Variants in DAAM1 observed in about 807,000 individuals in gnomAD.
The protein encoded by DAAM1 is disheveled-associated activator of morphogenesis 1.
A neutral mutation model predicts 130.0 loss-of-function variants in DAAM1; 52 were observed. The observed-to-expected ratio is 0.40, with a 90% CI of 0.32 to 0.50. DAAM1 has a LOEUF of 0.50. Ranked by LOEUF, DAAM1 falls within the 20% of genes least tolerant of loss-of-function variation. The pLI is 0.61. For missense variants in DAAM1, 1,134 were observed against 1,303.8 expected, an observed-to-expected ratio of 0.87 and a Z score of 2.01; for synonymous variants, 452 against 444.5, an observed-to-expected ratio of 1.02 and a Z score of -0.21.
intron 6 of DAAM1, 136 bp downstream of exon 6, chr14:59,323,361 T>G: frequency 2.2e-6 from 2 of 922,258 alleles, no homozygotes; most frequent in South Asian, 3.7e-5. Context: ...ACTTTAAACA[T>G]TCCCTTCTTC....
intron 20 of DAAM1, among the ~76,000 whole-genome samples, chr14:59,356,385 A>G (rs958947324): frequency 2.0e-5 from 3 of 152,182 alleles, no homozygotes; most frequent in African/African-American, 7.2e-5. Context: ...TAGCCCTGCC[A>G]CCTTATTTTT....
intron 5 of DAAM1, among the ~76,000 whole-genome samples, chr14:59,321,225 G>C (rs1884994412): frequency 6.6e-6 from 1 of 152,192 alleles, no homozygotes; most frequent in South Asian, 2.1e-4. Flanking sequence ...ACCACACACT[G>C]TATGATTCTA....
Position 59,331,873 on chromosome 14 carries a change from G to T in DAAM1, c.1921G>T (p.Asp641Tyr), listed in dbSNP as rs760791831. 1.9e-6 allele frequency: 3 copies of T among 1,614,126 alleles called. No homozygotes were observed. The South Asian group carries it at 3.3e-5, about 18-fold the overall frequency. ...TGATACAAAAGTCTTCAAAATTCTA[G>T]ATCTTGAAGACCTGGAAAGAACCTT... ...IDDTKVFKIL[D>Y]LEDLERTFSA... The change falls in exon 15 of 25, where the codon GAT (aspartate) becomes TAT (tyrosine). Residue 641 changes from aspartate (D) to tyrosine (Y), a missense_variant. Asp to Tyr is a radical substitution (Grantham distance 160). Coordinates refer to ENST00000360909, the MANE Select transcript of DAAM1 (RefSeq NM_001270520.2).
chr14:59,331,021 C>CAA (rs917672735), intron 13 of DAAM1, among the ~76,000 whole-genome samples, 188 bp from the exon 14 acceptor site: 17 of 152,234 alleles, frequency 1.1e-4, no homozygotes, highest in Admixed American at 1.0e-3. Context: ...GTGTCAGGTA[C>CAA]AAAAGGTTGA....
At chr14:59,316,295 A>G (rs1029833586) in intron 4 of DAAM1, among the ~76,000 whole-genome samples, 5 of 152,160 alleles carry the variant, frequency 3.3e-5, no homozygotes, top group African/African-American at 1.2e-4. Flanking sequence ...ACTCAAAACA[A>G]GCATTTTAAA....
At chr14:59,239,517 G>A (rs1417456952) in intron 1 of DAAM1, among the ~76,000 whole-genome samples, 1 of 152,088 alleles carries the variant, frequency 6.6e-6, no homozygotes, top group Non-Finnish European at 1.5e-5. Flanking sequence ...TTCCTCCCCT[G>A]CCCCAACTAG....
At chr14:59,342,507 T>G (rs1221112154) in intron 16 of DAAM1, among the ~76,000 whole-genome samples, 1 of 152,172 alleles carries the variant, frequency 6.6e-6, no homozygotes, top group Non-Finnish European at 1.5e-5. Context: ...TGTTGGCAAT[T>G]TATTACTATG....
chr14:59,368,662 C>T lies in DAAM1; in HGVS notation c.3010C>T (p.Arg1004Cys), dbSNP rs978510661. ...TTTCTATTTGCAGCTCAAAGAACAA[C>T]GTGAAAGGGAACGTAAAATGAGAAA... The part of the protein sequence containing the change: ...ARMEAQLKEQ[R>C]ERERKMRKAK... Residue 1004 changes from arginine to cysteine, a missense_variant, in exon 25 of 25, where the codon CGT (arginine) becomes TGT (cysteine). Physicochemically the swap from Arg to Cys is radical, Grantham distance 180. Transcript: ENST00000360909. 3.1e-6 allele frequency: 5 copies of T among 1,612,624 alleles called. No homozygotes were observed. Among genetic ancestry groups the T allele is most frequent in the South Asian group, 1.1e-5 (1 of 90,876 alleles).
At chr14:59,367,824 C>A (rs1886979645) in intron 24 of DAAM1, among the ~76,000 whole-genome samples, 1 of 152,080 alleles carries the variant, frequency 6.6e-6, no homozygotes, top group Non-Finnish European at 1.5e-5. Context: ...CTCTGGAATT[C>A]CATTTCTTAG....
chr14:59,232,839 T>A (rs969197803), intron 1 of DAAM1, among the ~76,000 whole-genome samples: 1 of 151,956 alleles, frequency 6.6e-6, no homozygotes, highest in African/African-American at 2.4e-5. Flanking sequence ...TTCCCCTCCC[T>A]GTGTCACGTA....
chr14:59,277,486 A>AT (rs1235344915), intron 2 of DAAM1, among the ~76,000 whole-genome samples: 1 of 151,172 alleles, frequency 6.6e-6, no homozygotes, highest in Non-Finnish European at 1.5e-5. Context: ...ATAAAAAAAA[A>AT]TCTTTTCTCC....
intron 1 of DAAM1, among the ~76,000 whole-genome samples, chr14:59,204,541 A>T (rs1429903605): frequency 6.6e-6 from 1 of 152,238 alleles, no homozygotes; most frequent in Admixed American, 6.5e-5. Context: ...TCTTTTGACC[A>T]TATAATGAAA....
At position 59,368,639 on chromosome 14, in the gene DAAM1, T is replaced by A; in HGVS notation, c.2998-11T>A. The A allele has an allele frequency of 6.2e-7, 1 of 1,608,448 alleles. No homozygotes were observed. Among genetic ancestry groups the A allele is most frequent in the Non-Finnish European group, 8.5e-7 (1 of 1,177,240 alleles). ...ACATGTCTCAAAGAGGTTATTTCTT[T>A]CTATTTGCAGCTCAAAGAACAACGT... On this transcript the variant is annotated splice_polypyrimidine_tract_variant and intron_variant, in intron 24 of 24. Coordinates refer to ENST00000360909, the MANE Select transcript of DAAM1 (RefSeq NM_001270520.2).
intron 16 of DAAM1, among the ~76,000 whole-genome samples, chr14:59,346,026 G>A (rs542127738): frequency 4.6e-5 from 7 of 151,732 alleles, no homozygotes; most frequent in African/African-American, 9.7e-5. Context: ...CTTGCAGAAC[G>A]TACATATAGT....
At chr14:59,337,931 ATTTAT>A (rs1251600150) in intron 15 of DAAM1, among the ~76,000 whole-genome samples, 1 of 152,120 alleles carries the variant, frequency 6.6e-6, no homozygotes, top group Non-Finnish European at 1.5e-5. Context: ...AAAAAAGTTT[ATTTAT>A]TTATGTATTT....
chr14:59,313,694 A>G (rs917917841), intron 3 of DAAM1, among the ~76,000 whole-genome samples: 4 of 152,220 alleles, frequency 2.6e-5, no homozygotes, highest in African/African-American at 9.6e-5. Context: ...TGTTAAATAC[A>G]TTGGTAAGAG....
At chr14:59,258,191 C>T (rs1881997113) in intron 1 of DAAM1, among the ~76,000 whole-genome samples, 2 of 152,180 alleles carry the variant, frequency 1.3e-5, no homozygotes, top group South Asian at 4.1e-4. Flanking sequence ...AAACATTTGA[C>T]TTAATGATGA....
chr14:59,213,857 C>G (rs1368318907), intron 1 of DAAM1, among the ~76,000 whole-genome samples: 1 of 152,166 alleles, frequency 6.6e-6, no homozygotes, highest in Non-Finnish European at 1.5e-5. Flanking sequence ...TTGTGACATA[C>G]TTTGCCTTGT....
rs1190100421 is a variant in DAAM1 at position 59,326,075 on chromosome 14, C to T, written c.1172C>T (p.Pro391Leu). 7 of 1,613,426 alleles carry T rather than the reference C, an allele frequency of 4.3e-6. No individual in the cohort carries two copies. Among genetic ancestry groups the T allele is most frequent in the Non-Finnish European group, 5.1e-6 (6 of 1,179,486 alleles). Reference sequence around the variant, plus strand: ...ATCCTGCACCACTGCCTCCAAATGCCTTGTAAGTGTGTTCGTGACTCACAT... The same window carrying T: ...ATCCTGCACCACTGCCTCCAAATGCTTTGTAAGTGTGTTCGTGACTCACAT... ...MSILHHCLQMPYKRSGNTVQY... is the reference protein window; with the variant it reads ...MSILHHCLQMLYKRSGNTVQY... Residue 391 changes from proline to leucine, a missense_variant and splice_region_variant, in exon 10 of 25, where the codon CCT becomes CTT. Around this residue, in one of 3 missense-constraint regions of DAAM1, gnomAD observed 391 missense variants for 521.6 expected, o/e 0.75. Coordinates refer to ENST00000360909, the MANE Select transcript of DAAM1 (RefSeq NM_001270520.2).
Sources: allele counts gnomAD v4.1 joint callset (sites outside exome capture counted in the v4.1 genomes callset), GRCh38; gene constraint gnomAD v4.1.1; regional missense constraint gnomAD v4.1.1; transcripts MANE v1.5; gene names NCBI Gene and HGNC (gene_info 2026-07-23, HGNC 2026-07-21).